KIF1C: variants seen among roughly 807,000 people sequenced by gnomAD.
KIF1C encodes the protein kinesin-like protein KIF1C.
KIF1C carries 61 observed loss-of-function variants against 126.5 expected under a neutral mutation model. That is an observed-to-expected ratio of 0.48 (90% CI 0.39 to 0.60). The LOEUF (loss-of-function observed/expected upper bound fraction) is 0.60, where lower values mean the gene tolerates loss of function less well. KIF1C is among the 20% of genes least tolerant of loss of function. KIF1C has a pLI of 0.00. For synonymous variants in KIF1C, 640 were observed against 580.6 expected (o/e 1.10, Z -1.47); for missense variants, 1,315 against 1,489.2 (o/e 0.88, Z 1.93).
At position 5,004,027 on chromosome 17, in the gene KIF1C, C is replaced by A; in HGVS notation, c.894C>A (p.Ile298=). 3 of 1,614,052 alleles carry A rather than the reference C, an allele frequency of 1.9e-6. No individual in the cohort carries two copies. Among genetic ancestry groups the A allele is most frequent in the Non-Finnish European group, 2.5e-6 (3 of 1,179,988 alleles). ...CAAAGAAGCGAAAGTCGGATTTTAT[C>A]CCCTACAGGGACTCTGTGCTCACCT... ...MQSKKRKSDF[I]PYRDSVLTWL... is the part of the protein sequence containing the mutation. The change falls in exon 11 of 23, where the codon ATC becomes ATA. Residue 298 remains isoleucine, a synonymous_variant. Transcript: ENST00000320785.
rs113183521 is a variant in KIF1C, at chr17:5,026,820, G to A, written c.*2669G>A. On this transcript the variant is annotated 3_prime_UTR_variant, in exon 23 of 23. Transcript: ENST00000320785. ...TAATGTGCACGGGCCAGGCACAGTG[G>A]CTCACACCCGTAATCCCAACACTTT... 10,451 of 151,318 alleles carry A rather than the reference G, an allele frequency of 0.069. 452 individuals carry two copies. The highest frequency in any genetic ancestry group is 0.14 in the Middle Eastern group (42 of 294). 9.4% of individuals were successfully genotyped at this position (151,318 alleles called of 1,614,324 possible).
chr17:5,010,381 G>C (rs533775723), intron 16 of KIF1C, among the ~76,000 whole-genome samples: 1 of 152,294 alleles, frequency 6.6e-6, no homozygotes, highest in South Asian at 2.1e-4. Context: ...ACAATGCATA[G>C]TCTTACAAAT....
chr17:5,003,994 C>G lies in KIF1C; in HGVS notation c.865-4C>G, dbSNP rs769473355. 1.8e-5 allele frequency: 29 copies of G among 1,613,512 alleles called. No homozygotes were observed. The highest frequency in any genetic ancestry group is 2.3e-5 in the Non-Finnish European group (27 of 1,179,630). ...CTAACCTCCTTCCTCCTTTTATCCC[C>G]CAGCAATCAAAGAAGCGAAAGTCGG... On this transcript the variant is annotated splice_polypyrimidine_tract_variant and splice_region_variant and intron_variant, in intron 10 of 22. Coordinates refer to ENST00000320785, the MANE Select transcript of KIF1C (RefSeq NM_006612.6).
Position 5,002,673 on chromosome 17 carries a change from G to A in KIF1C, c.608+31G>A, listed in dbSNP as rs769050846. On this transcript the variant is annotated intron_variant, in intron 7 of 22. Coordinates refer to ENST00000320785, the MANE Select transcript of KIF1C (RefSeq NM_006612.6). ...GCAGGCTGATGGAGCAGAGGGCAAG[G>A]GGGCCAGGGTTGGGAAGGTGAGAGG... 5 of 1,611,864 alleles carry A rather than the reference G, an allele frequency of 3.1e-6. No homozygotes were observed. The African/African-American group carries it at 6.7e-5, about 22-fold the overall frequency.
At position 5,007,320 on chromosome 17, in the gene KIF1C, A is replaced by G; in HGVS notation, c.1393A>G (p.Thr465Ala). 1.2e-6 allele frequency: 2 copies of G among 1,613,552 alleles called. No homozygotes were observed. The highest frequency in any genetic ancestry group is 8.5e-7 in the Non-Finnish European group (1 of 1,179,746). ...NETWEEKLRKTEALRMEREAL... is the reference protein window; with the variant it reads ...NETWEEKLRKAEALRMEREAL... Reference sequence around the variant, plus strand: ...GACATGGGAGGAGAAGCTACGCAAGACAGAAGCCCTGAGGATGGAGAGGTG... The same window carrying G: ...GACATGGGAGGAGAAGCTACGCAAGGCAGAAGCCCTGAGGATGGAGAGGTG... Residue 465 changes from threonine to alanine, a missense_variant, in exon 15 of 23, where the codon ACA (threonine) becomes GCA (alanine). By Grantham distance (58) the Thr-to-Ala change is moderately conservative. Transcript: ENST00000320785.
rs781655395 is a variant in KIF1C, at chr17:5,022,682, C to G, written c.2601C>G (p.Arg867=). The change falls in exon 22 of 23, where the codon CGC becomes CGG. Residue 867 remains arginine, a synonymous_variant. Coordinates refer to ENST00000320785, the MANE Select transcript of KIF1C (RefSeq NM_006612.6). The surrounding 1 kb of genome is among the most constrained non-coding windows in gnomAD (Gnocchi z 4.9). ...AGGCCCTGCGGGACCGCATGCTCCG[C>G]ATGGAGAGGGTCATCCCCCTGGCCC... ...ELQALRDRML[R]MERVIPLAQD... The G allele has an allele frequency of 1.3e-6, 2 of 1,567,906 alleles. No homozygotes were observed. Among genetic ancestry groups the G allele is most frequent in the Non-Finnish European group, 1.7e-6 (2 of 1,157,144 alleles).
In KIF1C at chr17:5,022,557, C is replaced by G. The variant is rs1425712894; in HGVS notation, c.2476C>G (p.Arg826Gly). 1.3e-6 allele frequency: 2 copies of G among 1,591,056 alleles called. No homozygotes were observed. Among genetic ancestry groups the G allele is most frequent in the African/African-American group, 2.7e-5 (2 of 74,658 alleles). Residue 826 changes from arginine to glycine, a missense_variant, in exon 22 of 23, where the codon CGA becomes GGA. Around this residue, in one of 2 missense-constraint regions of KIF1C, gnomAD observed 441 missense variants for 436.1 expected, o/e 1.01. Transcript: ENST00000320785. This position sits in a 1 kb window ranked among gnomAD's most constrained non-coding sequence, Gnocchi z 4.9. The stretch of plus-strand genomic sequence containing the variant: ...TGGTGGTGGCAGTGAGGAGGGAGCC[C>G]GAGGGGCGGAGGTGGAGGACCTCCG... Reference protein sequence around the residue: ...GSGGGSEEGARGAEVEDLRAH... With the variant: ...GSGGGSEEGAGGAEVEDLRAH...
chr17:5,012,310 A>G (rs990205907), intron 16 of KIF1C, among the ~76,000 whole-genome samples: 2 of 143,614 alleles, frequency 1.4e-5, no homozygotes, highest in Non-Finnish European at 3.0e-5. Flanking sequence ...TCCCGGAGGA[A>G]GTTGCATTTC....
chr17:5,015,511 T>G (rs1240483713), intron 18 of KIF1C, among the ~76,000 whole-genome samples: 1 of 151,208 alleles, frequency 6.6e-6, no homozygotes, highest in East Asian at 2.0e-4. Flanking sequence ...CTCGAACTCC[T>G]GACCTCAGGT....
At chr17:5,003,758 G>A (rs1292740619) in intron 9 of KIF1C, 69 bp downstream of exon 9, 17 of 1,556,146 alleles carry the variant, frequency 1.1e-5, no homozygotes, top group Middle Eastern at 1.7e-4. Context: ...GTCTCCAGTC[G>A]GAACCTGAGA....
chr17:5,000,508 C>G (rs562036207), intron 3 of KIF1C, among the ~76,000 whole-genome samples, 156 bp downstream of exon 3: 1 of 152,058 alleles, frequency 6.6e-6, no homozygotes, highest in Non-Finnish European at 1.5e-5. Flanking sequence ...TGGCCTTTCC[C>G]GTGTTCCCAG....
chr17:5,006,791 G>A, intron 13 of KIF1C, 124 bp from the exon 14 acceptor site: 1 of 979,576 alleles, frequency 1.0e-6, no homozygotes. Context: ...CTGGTAGGAG[G>A]CTGACCAGCA....
intron 13 of KIF1C, among the ~76,000 whole-genome samples, chr17:5,006,296 A>T (rs902386698): frequency 2.9e-4 from 44 of 151,660 alleles, no homozygotes; most frequent in African/African-American, 9.9e-4. Context: ...TGGCCTCCCA[A>T]AGTGCTGGGA....
rs1380183221 is a variant in KIF1C at position 5,023,818 on chromosome 17, G to A, written c.2979G>A (p.Gly993=). ...CCCAGCACCGGGAGTCTTGGCCAGG[G>A]ATGGGGAGCGGGGAGGCTCCAACTC... ...SNPQHRESWP[G]MGSGEAPTPL... is the part of the protein sequence containing the mutation. Residue 993 remains glycine, a synonymous_variant, in exon 23 of 23, where the codon GGG becomes GGA. Transcript: ENST00000320785. This position sits in a 1 kb window ranked among gnomAD's most constrained non-coding sequence, Gnocchi z 4.2. The A allele has an allele frequency of 6.6e-7, 1 of 1,518,708 alleles. No individual in the cohort carries two copies. The highest frequency in any genetic ancestry group is 8.8e-7 in the Non-Finnish European group (1 of 1,134,914). The allele number at this position is 1,518,708 out of a possible 1,614,324, so 94.1% of individuals were successfully genotyped here. A position where few individuals can be genotyped will look rare whatever the true frequency, so the allele number is the denominator to read the frequency against.
intron 8 of KIF1C, among the ~76,000 whole-genome samples, chr17:5,003,243 C>T (rs557851579): frequency 3.3e-5 from 5 of 152,142 alleles, no homozygotes; most frequent in South Asian, 2.1e-4. Context: ...GACGAGGTTT[C>T]GCCATGTTGG....
chr17:5,009,488 T>C (rs900131963), intron 16 of KIF1C, among the ~76,000 whole-genome samples: 14 of 151,704 alleles, frequency 9.2e-5, no homozygotes, highest in African/African-American at 3.4e-4. Flanking sequence ...CATTATGGGT[T>C]CTTACTATAT....
In KIF1C at chr17:5,024,286, AAGACAAGGGGG is replaced by A; in HGVS notation, c.*140_*150del. The A allele has an allele frequency of 1.5e-6, 1 of 659,648 alleles. No homozygotes were observed. Among genetic ancestry groups the A allele is most frequent in the Non-Finnish European group, 2.6e-6 (1 of 390,716 alleles). The allele number at this position is 659,648 out of a possible 1,614,324, so 40.9% of individuals were successfully genotyped here. On this transcript the variant is annotated 3_prime_UTR_variant, in exon 23 of 23. Transcript: ENST00000320785. Reference sequence around the variant, plus strand: ...GAGAGAAGGTCCGAGTAGGTGATAGAAGACAAGGGGGAGACCGAGCCGGAGGCTGAGGAAAG... The same window carrying A: ...GAGAGAAGGTCCGAGTAGGTGATAGAAGACCGAGCCGGAGGCTGAGGAAAG...
chr17:5,020,658 A>G lies in KIF1C; in HGVS notation c.1917A>G (p.Ile639Met). The G allele has an allele frequency of 1.2e-6, 2 of 1,614,036 alleles. No individual in the cohort carries two copies. Among genetic ancestry groups the G allele is most frequent in the South Asian group, 1.1e-5 (1 of 91,082 alleles). Reference protein sequence around the residue: ...KELLEQQGIDIKLEMEKRLQD... With the variant: ...KELLEQQGIDMKLEMEKRLQD... ...TGCTGGAGCAGCAAGGCATCGACAT[A>G]AAGCTGGAAATGGAGAAGAGGTGCG... Residue 639 changes from isoleucine (I) to methionine (M), a missense_variant, in exon 20 of 23, where the codon ATA (isoleucine) becomes ATG (methionine). Transcript: ENST00000320785. This position sits in a 1 kb window ranked among gnomAD's most constrained non-coding sequence, Gnocchi z 5.8.
chr17:5,024,239 G>A lies in KIF1C; in HGVS notation c.*88G>A, dbSNP rs1975163571. On this transcript the variant is annotated 3_prime_UTR_variant, in exon 23 of 23. Coordinates refer to ENST00000320785, the MANE Select transcript of KIF1C (RefSeq NM_006612.6). Reference sequence around the variant, plus strand: ...GACGCTGCTTCCCCAGAAGTGCTGGGGCAGGGAGGCCCAGGAGATGAGAGA... The same window carrying A: ...GACGCTGCTTCCCCAGAAGTGCTGGAGCAGGGAGGCCCAGGAGATGAGAGA... 1 of 951,780 alleles carries A rather than the reference G, an allele frequency of 1.1e-6. No individual in the cohort carries two copies. The highest frequency in any genetic ancestry group is 1.6e-6 in the Non-Finnish European group (1 of 630,090). 59.0% of individuals were successfully genotyped at this position (951,780 alleles called of 1,614,324 possible). A position where few individuals can be genotyped will look rare whatever the true frequency, so the allele number is the denominator to read the frequency against.
Sources: allele counts gnomAD v4.1 joint callset (sites outside exome capture counted in the v4.1 genomes callset), GRCh38; gene constraint gnomAD v4.1.1; regional missense constraint gnomAD v4.1.1; non-coding constraint Gnocchi (gnomAD v3.1); transcripts MANE v1.5; gene names NCBI Gene and HGNC (gene_info 2026-07-23, HGNC 2026-07-21).